Variants in KLF12 observed in about 807,000 individuals in gnomAD.
The protein encoded by KLF12 is Krueppel-like factor 12.
In KLF12, 9 loss-of-function variants were observed where a neutral mutation model predicts 37.8. The ratio of observed to expected loss-of-function variants is 0.24; its 90% CI spans 0.14 to 0.42. The LOEUF (loss-of-function observed/expected upper bound fraction) is 0.42. KLF12 is among the 10% of genes least tolerant of loss of function. The pLI is 1.00. For synonymous variants in KLF12, 208 were observed against 202.1 expected, an observed-to-expected ratio of 1.03 and a Z score of -0.25; for missense variants, 411 against 516.0, an observed-to-expected ratio of 0.80 and a Z score of 1.97.
At chr13:73,899,739 C>T (rs1048727269) in intron 3 of KLF12, among the ~76,000 whole-genome samples, 2 of 152,144 alleles carry the variant, frequency 1.3e-5, no homozygotes, top group South Asian at 2.1e-4. Flanking sequence ...CCTTCTTCTC[C>T]TGCTCCCAGA....
the KLF12 span, among the ~76,000 whole-genome samples, chr13:74,221,141 A>G: frequency 6.6e-6 from 1 of 151,566 alleles, no homozygotes; most frequent in East Asian, 1.9e-4. Flanking sequence ...AGTAGCTGGG[A>G]CTACAAGCAC....
chr13:73,898,370 G>T (rs532768219), intron 3 of KLF12, among the ~76,000 whole-genome samples: 12 of 152,228 alleles, frequency 7.9e-5, no homozygotes, highest in Admixed American at 6.5e-4. Flanking sequence ...CTTATTACAG[G>T]ATACTTGTAG....
At chr13:74,011,106 T>C (rs1241512002) in intron 1 of KLF12, among the ~76,000 whole-genome samples, 1 of 152,168 alleles carries the variant, frequency 6.6e-6, no homozygotes. Flanking sequence ...TATATCTTGA[T>C]CCTTCACTAT....
At position 74,033,445 on chromosome 13, in the gene KLF12, T is replaced by TA. The variant is rs1893166275; in HGVS notation, c.-31-38393dup. Among the ~76,000 whole-genome samples the TA allele has an allele frequency of 2.6e-5, 4 of 152,336 alleles. No homozygotes were observed. In the South Asian group the frequency reaches 8.3e-4, roughly 32 times the overall value. On this transcript the variant is annotated intron_variant, in intron 1 of 7. Coordinates refer to ENST00000377669, the MANE Select transcript of KLF12 (RefSeq NM_007249.5). ...TCTATAAGATAGGGCTAATAATATTTACTCAAAGGAATGTTATAATTAAAT... is the reference window on the plus strand; with the variant it reads ...TCTATAAGATAGGGCTAATAATATTTAACTCAAAGGAATGTTATAATTAAAT...
At chr13:74,283,946 G>A in the KLF12 span, among the ~76,000 whole-genome samples, 2 of 149,178 alleles carry the variant, frequency 1.3e-5, no homozygotes, top group Non-Finnish European at 3.0e-5. Flanking sequence ...TGCAAGCTCC[G>A]CCTCCTGGGT....
At chr13:74,177,115 T>C in the KLF12 span, among the ~76,000 whole-genome samples, 1 of 152,200 alleles carries the variant, frequency 6.6e-6, no homozygotes, top group Non-Finnish European at 1.5e-5. Flanking sequence ...TGAAGTAAAT[T>C]AAGTGTAATT....
chr13:73,697,968 C>T (rs1874268188), intron 7 of KLF12, among the ~76,000 whole-genome samples: 1 of 152,038 alleles, frequency 6.6e-6, no homozygotes, highest in South Asian at 2.1e-4. Context: ...GCCTGGGCAA[C>T]AAAGTGACAT....
intron 4 of KLF12, among the ~76,000 whole-genome samples, chr13:73,824,977 G>A (rs1390546357): frequency 6.6e-6 from 1 of 152,042 alleles, no homozygotes; most frequent in Non-Finnish European, 1.5e-5. Context: ...GCTGAAGTAG[G>A]AGAATCGCTT....
At chr13:74,030,628 T>A in intron 1 of KLF12, among the ~76,000 whole-genome samples, 1 of 152,102 alleles carries the variant, frequency 6.6e-6, no homozygotes, top group South Asian at 2.1e-4. Flanking sequence ...ATGGCACAGA[T>A]AATATTTAAG....
At chr13:73,828,874 A>G (rs1301651116) in intron 4 of KLF12, among the ~76,000 whole-genome samples, 1 of 149,068 alleles carries the variant, frequency 6.7e-6, no homozygotes, top group Non-Finnish European at 1.5e-5. Flanking sequence ...AGGATACAGT[A>G]TGCCCTTTTG....
At chr13:74,097,199 A>G (rs1357677705) in intron 1 of KLF12, among the ~76,000 whole-genome samples, 12 of 152,176 alleles carry the variant, frequency 7.9e-5, no homozygotes. Flanking sequence ...TTTCTCAAGG[A>G]CTTTATGACC....
At chr13:74,141,076 A>AT in the KLF12 span, among the ~76,000 whole-genome samples, 2 of 152,044 alleles carry the variant, frequency 1.3e-5, no homozygotes, top group East Asian at 3.9e-4. Flanking sequence ...CAAAAAAAAA[A>AT]GAAACGAGGA....
chr13:73,694,612 T>G lies in KLF12; in HGVS notation c.*878A>C, dbSNP rs1874007642. 6.6e-6 allele frequency: 1 copy of G among 152,666 alleles called. No individual in the cohort carries two copies. Among genetic ancestry groups the G allele is most frequent in the South Asian group, 2.1e-4 (1 of 4,826 alleles). The allele number at this position is 152,666 out of a possible 1,614,324, so 9.5% of individuals were successfully genotyped here. A position where few individuals can be genotyped will look rare whatever the true frequency, so the allele number is the denominator to read the frequency against. ...TGTGTCTAAGAAAGTTTTTTTCCCC[T>G]GGTTCCTTGTAATCAAATACTAGGG... On this transcript the variant is annotated 3_prime_UTR_variant, in exon 8 of 8. Coordinates refer to ENST00000377669, the MANE Select transcript of KLF12 (RefSeq NM_007249.5).
intron 6 of KLF12, among the ~76,000 whole-genome samples, chr13:73,759,447 G>A (rs1021929849): frequency 6.6e-6 from 1 of 152,186 alleles, no homozygotes; most frequent in African/African-American, 2.4e-5. Flanking sequence ...TTGGCAGGGA[G>A]TAAGTGCCAC....
At chr13:74,085,239 T>C (rs912441395) in intron 1 of KLF12, among the ~76,000 whole-genome samples, 1 of 152,182 alleles carries the variant, frequency 6.6e-6, no homozygotes, top group Non-Finnish European at 1.5e-5. Context: ...TGTGTTTTCA[T>C]GAACATATGC....
At chr13:74,250,788 TA>T in the KLF12 span, among the ~76,000 whole-genome samples, 2 of 152,226 alleles carry the variant, frequency 1.3e-5, no homozygotes, top group Non-Finnish European at 2.9e-5. Context: ...TGCATAGTTT[TA>T]TATTTTTTTC....
intron 4 of KLF12, among the ~76,000 whole-genome samples, chr13:73,827,265 T>A (rs976783548): frequency 2.0e-5 from 3 of 152,214 alleles, no homozygotes; most frequent in Admixed American, 6.5e-5. Context: ...GCTGTAACTT[T>A]CTTCATAGTA....
At chr13:74,004,599 A>G (rs565913680) in intron 1 of KLF12, among the ~76,000 whole-genome samples, 94 of 152,320 alleles carry the variant, frequency 6.2e-4, no homozygotes, top group Non-Finnish European at 9.3e-4. Flanking sequence ...GAAAGCCAAC[A>G]GCAACAAGAG....
intron 3 of KLF12, among the ~76,000 whole-genome samples, chr13:73,874,674 C>T (rs141222294): frequency 2.3e-3 from 345 of 152,276 alleles, no homozygotes; most frequent in African/African-American, 7.4e-3. Flanking sequence ...CACCCTCCAC[C>T]TTGGCAGATG....
Sources: allele counts gnomAD v4.1 joint callset (sites outside exome capture counted in the v4.1 genomes callset), GRCh38; gene constraint gnomAD v4.1.1; transcripts MANE v1.5; gene names NCBI Gene and HGNC (gene_info 2026-07-23, HGNC 2026-07-21).